CDKAL1: variants seen among roughly 807,000 people sequenced by gnomAD.
CDKAL1 encodes CDKAL1 threonylcarbamoyladenosine tRNA methylthiotransferase.
CDKAL1 carries 32 observed loss-of-function variants against 68.2 expected under a neutral mutation model. That is an observed-to-expected ratio of 0.47 (90% CI 0.35 to 0.63). The LOEUF (loss-of-function observed/expected upper bound fraction) is 0.63. Ranked by LOEUF, CDKAL1 falls within the 30% of genes least tolerant of loss-of-function variation. The probability of loss-of-function intolerance (pLI) is 0.00; values close to 1 mark genes in which losing one functional copy is unlikely to be tolerated. For synonymous variants in CDKAL1, 234 were observed against 244.3 expected (o/e 0.96, Z 0.39); for missense variants, 606 against 696.7 (o/e 0.87, Z 1.47).
chr6:20,571,110 A>T (rs1468217064), intron 4 of CDKAL1, among the ~76,000 whole-genome samples: 1 of 152,200 alleles, frequency 6.6e-6, no homozygotes, highest in African/African-American at 2.4e-5. Context: ...AATTATATTG[A>T]TGTTACGAAG....
Position 20,733,677 on chromosome 6 carries a change from G to T in CDKAL1, c.372-5842G>T, listed in dbSNP as rs79932513. ...GAATGCAATAAGGTTTTTGAAATATGGTATTCATGGAATCTGGAGATCTTG... is the reference window on the plus strand; with the variant it reads ...GAATGCAATAAGGTTTTTGAAATATTGTATTCATGGAATCTGGAGATCTTG... On this transcript the variant is annotated intron_variant, in intron 5 of 15. Coordinates refer to ENST00000274695, the MANE Select transcript of CDKAL1 (RefSeq NM_017774.3). 1.7e-4 allele frequency among the ~76,000 whole-genome samples: 26 copies of T among 152,210 alleles called. 1 individual carries two copies. The highest frequency in any genetic ancestry group is 6.0e-4 in the African/African-American group (25 of 41,536).
intron 12 of CDKAL1, among the ~76,000 whole-genome samples, chr6:21,078,483 GC>G (rs1772199506): frequency 6.6e-6 from 1 of 152,130 alleles, no homozygotes; most frequent in Non-Finnish European, 1.5e-5. Context: ...ACAGCTCTCT[GC>G]CGTTAGAACT....
At chr6:21,176,331 G>A (rs1777570173) in intron 13 of CDKAL1, among the ~76,000 whole-genome samples, 1 of 152,228 alleles carries the variant, frequency 6.6e-6, no homozygotes, top group Non-Finnish European at 1.5e-5. Context: ...GATTGTTTAT[G>A]CGTGTTTAAT....
At chr6:21,059,948 A>T (rs1402818533) in intron 11 of CDKAL1, among the ~76,000 whole-genome samples, 1 of 151,830 alleles carries the variant, frequency 6.6e-6, no homozygotes, top group Admixed American at 6.6e-5. Context: ...ACTGTTCATT[A>T]TTCTATTCTG....
chr6:20,763,778 G>C (rs1774574356), intron 7 of CDKAL1, among the ~76,000 whole-genome samples: 1 of 152,114 alleles, frequency 6.6e-6, no homozygotes, highest in Non-Finnish European at 1.5e-5. Context: ...ATAAAAGCTT[G>C]TTTTCATTTA....
chr6:20,536,164 G>C (rs1487909291), intron 2 of CDKAL1, among the ~76,000 whole-genome samples: 7 of 150,234 alleles, frequency 4.7e-5, no homozygotes, highest in Non-Finnish European at 8.9e-5. Context: ...TTGTACTCCT[G>C]GCCTGAAGTG....
intron 9 of CDKAL1, among the ~76,000 whole-genome samples, chr6:20,848,104 G>T (rs1009033634): frequency 6.6e-6 from 1 of 152,036 alleles, no homozygotes. Flanking sequence ...GCAAACATCC[G>T]ATTGGTTATG....
At chr6:20,891,316 A>G (rs1043885996) in intron 9 of CDKAL1, among the ~76,000 whole-genome samples, 2 of 152,152 alleles carry the variant, frequency 1.3e-5, no homozygotes, top group African/African-American at 4.8e-5. Flanking sequence ...AAGAGTTGGA[A>G]GGCTCTGGCT....
intron 7 of CDKAL1, among the ~76,000 whole-genome samples, chr6:20,780,818 C>T (rs529566115): frequency 4.7e-4 from 72 of 151,880 alleles, no homozygotes; most frequent in African/African-American, 1.1e-3. Context: ...GGATTACAGG[C>T]GCCCGCCACC....
At position 20,605,317 on chromosome 6, in the gene CDKAL1, T is replaced by C. The variant is rs74805654; in HGVS notation, c.287-43976T>C. On this transcript the variant is annotated intron_variant, in intron 4 of 15. Transcript: ENST00000274695. ...GTAAAGAACTCAGAGCAGCTGAGGTTGTTTCATCTCTGGAGCTTTGATCTG... is the reference window on the plus strand; with the variant it reads ...GTAAAGAACTCAGAGCAGCTGAGGTCGTTTCATCTCTGGAGCTTTGATCTG... Among the ~76,000 whole-genome samples the C allele has an allele frequency of 6.9e-3, 1,051 of 152,298 alleles. 36 individuals are homozygous for C. The highest frequency in any genetic ancestry group is 0.053 in the Admixed American group (806 of 15,290).
At chr6:20,896,083 T>C (rs905912657) in intron 9 of CDKAL1, among the ~76,000 whole-genome samples, 8 of 140,648 alleles carry the variant, frequency 5.7e-5, no homozygotes, top group Non-Finnish European at 1.2e-4. Flanking sequence ...TTTTTTCTTT[T>C]TTTTCTTTTC....
At chr6:20,725,582 C>A (rs570097847) in intron 5 of CDKAL1, among the ~76,000 whole-genome samples, 38 of 152,210 alleles carry the variant, frequency 2.5e-4, no homozygotes, top group Admixed American at 2.0e-3. Flanking sequence ...GTCAGGAGTT[C>A]AAGACCAGCC....
intron 8 of CDKAL1, among the ~76,000 whole-genome samples, chr6:20,799,483 A>G (rs1776276538): frequency 1.8e-5 from 1 of 55,586 alleles, no homozygotes; most frequent in Admixed American, 2.3e-4. Context: ...CCTACTGTAT[A>G]CCACTAAAAT....
At chr6:21,135,334 A>G (rs1165269464) in intron 13 of CDKAL1, among the ~76,000 whole-genome samples, 1 of 152,194 alleles carries the variant, frequency 6.6e-6, no homozygotes, top group Admixed American at 6.5e-5. Context: ...ACATGAGATA[A>G]TGCATGTGTG....
At chr6:20,609,650 C>A (rs12179563) in intron 4 of CDKAL1, among the ~76,000 whole-genome samples, 8,306 of 151,904 alleles carry the variant, frequency 0.055, 723 homozygotes, top group African/African-American at 0.19. Flanking sequence ...CCCACCTTGG[C>A]CTCCCAAAGT....
At chr6:21,007,045 A>G (rs1401741142) in intron 11 of CDKAL1, among the ~76,000 whole-genome samples, 2 of 152,144 alleles carry the variant, frequency 1.3e-5, no homozygotes, top group Non-Finnish European at 2.9e-5. Context: ...CAGAGCTTGC[A>G]TATTAACTCA....
intron 4 of CDKAL1, among the ~76,000 whole-genome samples, chr6:20,563,227 C>G (rs770086833): frequency 2.0e-5 from 3 of 151,838 alleles, no homozygotes; most frequent in Admixed American, 1.3e-4. Flanking sequence ...TTTTTTCTCT[C>G]CATGAGGAAG....
intron 5 of CDKAL1, among the ~76,000 whole-genome samples, chr6:20,650,666 C>T (rs1273224227): frequency 6.6e-6 from 1 of 152,094 alleles, no homozygotes; most frequent in Middle Eastern, 3.2e-3. Flanking sequence ...AGGTTTTCTT[C>T]TTGGGTTTTT....
chr6:20,940,976 G>A (rs1189621909), intron 9 of CDKAL1, among the ~76,000 whole-genome samples: 1 of 151,916 alleles, frequency 6.6e-6, no homozygotes, highest in Non-Finnish European at 1.5e-5. Context: ...TGTAGTCCCA[G>A]CTACTCGGGA....
Sources: allele counts gnomAD v4.1 joint callset (sites outside exome capture counted in the v4.1 genomes callset), GRCh38; gene constraint gnomAD v4.1.1; transcripts MANE v1.5; gene names NCBI Gene and HGNC (gene_info 2026-07-23, HGNC 2026-07-21).